Variants in AKAP6 observed in about 807,000 individuals in gnomAD.
The protein encoded by AKAP6 is A-kinase anchoring protein 6, also known as A-kinase anchor protein 6.
A neutral mutation model predicts 188.5 loss-of-function variants in AKAP6; 58 were observed. The ratio of observed to expected loss-of-function variants is 0.31; its 90% CI spans 0.25 to 0.38. AKAP6 has a LOEUF of 0.38. Ranked by LOEUF, AKAP6 falls within the 10% of genes least tolerant of loss-of-function variation. The pLI, the probability that AKAP6 is intolerant of heterozygous loss-of-function variation, is 1.00. For missense variants in AKAP6, 2,710 were observed against 2,740.0 expected, an observed-to-expected ratio of 0.99 and a Z score of 0.24; for synonymous variants, 989 against 998.6, an observed-to-expected ratio of 0.99 and a Z score of 0.18.
intron 2 of AKAP6, among the ~76,000 whole-genome samples, chr14:32,464,900 A>G (rs80289625): frequency 3.9e-5 from 6 of 152,324 alleles, no homozygotes; most frequent in African/African-American, 1.4e-4. Flanking sequence ...CAGCAGACTC[A>G]GGATACAAAA....
chr14:32,488,090 C>A (rs993070347), intron 2 of AKAP6, among the ~76,000 whole-genome samples: 1 of 152,204 alleles, frequency 6.6e-6, no homozygotes, highest in Non-Finnish European at 1.5e-5. Flanking sequence ...TCATAGCTGG[C>A]AGGCAGGCAA....
At chr14:32,395,744 C>T (rs1426591372) in intron 1 of AKAP6, among the ~76,000 whole-genome samples, 2 of 152,222 alleles carry the variant, frequency 1.3e-5, no homozygotes, top group South Asian at 2.1e-4. Flanking sequence ...TGGGTTACCA[C>T]CTCCATCCCT....
intron 2 of AKAP6, among the ~76,000 whole-genome samples, chr14:32,512,735 C>T (rs546937998): frequency 2.6e-5 from 4 of 152,172 alleles, no homozygotes; most frequent in East Asian, 1.9e-4. Context: ...AGTTATAATA[C>T]GGACAGTCAG....
chr14:32,684,606 G>A (rs1329094021), intron 8 of AKAP6, among the ~76,000 whole-genome samples: 1 of 152,124 alleles, frequency 6.6e-6, no homozygotes, highest in African/African-American at 2.4e-5. Flanking sequence ...AGAGAAACTA[G>A]ATTAAAAATT....
At chr14:32,778,416 G>A (rs1444674280) in intron 12 of AKAP6, among the ~76,000 whole-genome samples, 11 of 151,068 alleles carry the variant, frequency 7.3e-5, no homozygotes, top group Admixed American at 7.2e-4. Flanking sequence ...ATATTGCAAC[G>A]GCCAGGAACT....
intron 1 of AKAP6, among the ~76,000 whole-genome samples, chr14:32,410,292 A>G (rs1007608138): frequency 6.6e-6 from 1 of 152,162 alleles, no homozygotes; most frequent in Non-Finnish European, 1.5e-5. Flanking sequence ...CTTGGTCTCC[A>G]TACCCCTTTA....
intron 1 of AKAP6, among the ~76,000 whole-genome samples, chr14:32,332,022 G>C (rs956482618): frequency 1.3e-5 from 2 of 152,040 alleles, no homozygotes; most frequent in African/African-American, 4.8e-5. Flanking sequence ...TATCAGTACT[G>C]AATTAAGTTT....
intron 7 of AKAP6, among the ~76,000 whole-genome samples, chr14:32,617,699 C>T (rs2139406444): frequency 6.6e-6 from 1 of 152,328 alleles, no homozygotes; most frequent in East Asian, 1.9e-4. Flanking sequence ...AGTTTCAACT[C>T]ACTGCAACCT....
intron 1 of AKAP6, among the ~76,000 whole-genome samples, chr14:32,357,287 T>C (rs1295145758): frequency 6.6e-6 from 1 of 152,212 alleles, no homozygotes; most frequent in South Asian, 2.1e-4. Flanking sequence ...TGGACCTCTT[T>C]AGTGGAGAAA....
intron 2 of AKAP6, chr14:32,494,188 C>A (rs543423820): frequency 6.6e-6 from 1 of 152,278 alleles, no homozygotes; most frequent in East Asian, 1.9e-4. Flanking sequence ...ATCTCCAACC[C>A]AGGAAATTCT....
chr14:32,492,326 A>C (rs1880059700), intron 2 of AKAP6, among the ~76,000 whole-genome samples: 3 of 128,576 alleles, frequency 2.3e-5, no homozygotes, highest in Non-Finnish European at 3.3e-5. Flanking sequence ...GTGCTTCTCA[A>C]ACTACATTGT....
chr14:32,468,576 A>C (rs1377153493), intron 2 of AKAP6, among the ~76,000 whole-genome samples: 2 of 152,158 alleles, frequency 1.3e-5, no homozygotes, highest in East Asian at 3.9e-4. Flanking sequence ...TGCATAGATC[A>C]AGTGTTACAA....
intron 12 of AKAP6, among the ~76,000 whole-genome samples, chr14:32,816,748 C>T (rs1406655558): frequency 1.3e-5 from 2 of 152,104 alleles, no homozygotes; most frequent in Non-Finnish European, 2.9e-5. Flanking sequence ...AATATGTACA[C>T]CTTTATTCAA....
intron 4 of AKAP6, among the ~76,000 whole-genome samples, chr14:32,571,592 T>G (rs1373047164): frequency 6.6e-6 from 1 of 152,212 alleles, no homozygotes; most frequent in Non-Finnish European, 1.5e-5. Context: ...TTTGATACTC[T>G]TCAGCAAGTT....
chr14:32,817,889 A>G (rs1466353643), intron 12 of AKAP6, among the ~76,000 whole-genome samples: 2 of 152,168 alleles, frequency 1.3e-5, no homozygotes, highest in African/African-American at 4.8e-5. Flanking sequence ...TATCAGTTAC[A>G]TCTTTGTATA....
intron 12 of AKAP6, among the ~76,000 whole-genome samples, chr14:32,785,076 A>T (rs570299001): frequency 6.6e-6 from 1 of 152,204 alleles, no homozygotes; most frequent in Non-Finnish European, 1.5e-5. Context: ...AGATCTGCAG[A>T]CTCAAGTTAG....
At chr14:32,497,470 A>G in intron 2 of AKAP6, among the ~76,000 whole-genome samples, 2 of 152,252 alleles carry the variant, frequency 1.3e-5, no homozygotes, top group Middle Eastern at 6.8e-3. Context: ...CATACTTTTT[A>G]TAAGTTGAAT....
intron 7 of AKAP6, among the ~76,000 whole-genome samples, chr14:32,611,897 G>C (rs536109480): frequency 1.3e-5 from 2 of 152,318 alleles, no homozygotes; most frequent in East Asian, 3.9e-4. Context: ...TGAATCAGTG[G>C]ATCTGTGATT....
chr14:32,758,649 C>G (rs1381734421), intron 11 of AKAP6, among the ~76,000 whole-genome samples: 1 of 152,084 alleles, frequency 6.6e-6, no homozygotes, highest in Non-Finnish European at 1.5e-5. Context: ...AGGAGAATCG[C>G]TTGAACCCAG....
Sources: allele counts gnomAD v4.1 joint callset (sites outside exome capture counted in the v4.1 genomes callset), GRCh38; gene constraint gnomAD v4.1.1; transcripts MANE v1.5; gene names NCBI Gene and HGNC (gene_info 2026-07-23, HGNC 2026-07-21).